KRT18: variants seen among roughly 807,000 people sequenced by gnomAD.
The protein encoded by KRT18 is keratin, type I cytoskeletal 18.
In KRT18, 8 loss-of-function variants were observed where a neutral mutation model predicts 39.9. The ratio of observed to expected loss-of-function variants is 0.20; its 90% CI spans 0.12 to 0.36. The LOEUF (loss-of-function observed/expected upper bound fraction) is 0.36. Ranked by LOEUF, KRT18 falls within the 10% of genes least tolerant of loss-of-function variation. KRT18 has a pLI of 1.00. For missense variants in KRT18, 396 were observed against 565.7 expected (o/e 0.70, Z 3.04); for synonymous variants, 194 against 227.8 (o/e 0.85, Z 1.33).
In KRT18 at chr12:52,950,498, T is replaced by C; in HGVS notation, c.500+88T>C. On this transcript the variant is annotated intron_variant, in intron 2 of 6. Coordinates refer to ENST00000388835, the MANE Select transcript of KRT18 (RefSeq NM_000224.3). Reference sequence around the variant, plus strand: ...GGCTGGGTCAGTTAGGGGCTCACAGTGGGATCCTGTTAGGTGTGGGTGGAT... The same window carrying C: ...GGCTGGGTCAGTTAGGGGCTCACAGCGGGATCCTGTTAGGTGTGGGTGGAT... 3.1e-6 allele frequency: 3 copies of C among 972,886 alleles called. No individual in the cohort carries two copies. The South Asian group carries it at 3.8e-5, about 12-fold the overall frequency. The allele number at this position is 972,886 out of a possible 1,614,324, so 60.3% of individuals were successfully genotyped here.
chr12:52,951,501 C>T lies in KRT18; in HGVS notation c.678C>T (p.Ala226=). The change falls in exon 4 of 7, where the codon GCC becomes GCT. Residue 226 remains alanine (A), a synonymous_variant. Transcript: ENST00000388835. ...TTTAGGAAGTAAAAGGCCTACAAGCCCAGATTGCCAGCTCTGGGTTGACCG... is the reference window on the plus strand; with the variant it reads ...TTTAGGAAGTAAAAGGCCTACAAGCTCAGATTGCCAGCTCTGGGTTGACCG... ...NHEEEVKGLQ[A]QIASSGLTVE... The T allele has an allele frequency of 6.2e-7, 1 of 1,614,066 alleles. No individual in the cohort carries two copies. Among genetic ancestry groups the T allele is most frequent in the South Asian group, 1.1e-5 (1 of 91,076 alleles).
intron 3 of KRT18, 104 bp from the exon 4 acceptor site, chr12:52,951,377 C>G (rs1417884100): frequency 1.7e-6 from 2 of 1,200,148 alleles, no homozygotes; most frequent in Admixed American, 3.4e-5. Context: ...TTCCTCCTGT[C>G]TCTTCTCCAA....
intron 1 of KRT18, chr12:52,949,958 A>G (rs927625075): frequency 1.6e-6 from 1 of 615,918 alleles, no homozygotes; most frequent in African/African-American, 1.8e-5. Flanking sequence ...AGTAAACAAG[A>G]GGCCTTCCTT....
chr12:52,949,112 G>C (rs1007449580), upstream of KRT18: 6 of 1,365,608 alleles, frequency 4.4e-6, no homozygotes, highest in South Asian at 3.5e-5. Flanking sequence ...CGCGCGGCTC[G>C]CGCAGGCCGC....
chr12:52,950,737 T>G lies in KRT18; in HGVS notation c.501-13T>G, dbSNP rs1592194266. ...AGAGATAGGGGCCCCTCTGATCACCTCCACTCCTATAGGTATGAGACAGAG... is the reference window on the plus strand; with the variant it reads ...AGAGATAGGGGCCCCTCTGATCACCGCCACTCCTATAGGTATGAGACAGAG... On this transcript the variant is annotated splice_polypyrimidine_tract_variant and intron_variant, in intron 2 of 6. Transcript: ENST00000388835. 6.2e-7 allele frequency: 1 copy of G among 1,608,356 alleles called. No homozygotes were observed. Among genetic ancestry groups the G allele is most frequent in the Non-Finnish European group, 8.5e-7 (1 of 1,178,118 alleles).
At position 52,950,397 on chromosome 12, in the gene KRT18, G is replaced by A; in HGVS notation, c.487G>A (p.Asp163Asn). ...TGACAATGCCCGTCTTGCTGCTGAT[G>A]ACTTTAGAGTCAAGTAAGTTTGGGG... ...QIDNARLAAD[D>N]FRVKYETELA... The change falls in exon 2 of 7, where the codon GAC becomes AAC. Residue 163 changes from aspartate (D) to asparagine (N), a missense_variant. By Grantham distance (23) the Asp-to-Asn change is conservative (BLOSUM62 1). Transcript: ENST00000388835. The A allele has an allele frequency of 6.2e-7, 1 of 1,612,184 alleles. No homozygotes were observed. Among genetic ancestry groups the A allele is most frequent in the Non-Finnish European group, 8.5e-7 (1 of 1,178,360 alleles).
rs373545356 is a variant in KRT18, at chr12:52,950,302, A to G, written c.418-26A>G. ...CCATCCCTGGCTTTCTATTCATGGA[A>G]CAACCTCTCTCTACAATCCCTCCAG... On this transcript the variant is annotated intron_variant, in intron 1 of 6. Coordinates refer to ENST00000388835, the MANE Select transcript of KRT18 (RefSeq NM_000224.3). 3.8e-5 allele frequency: 59 copies of G among 1,563,712 alleles called. No homozygotes were observed. The African/African-American group carries it at 7.3e-4, about 19-fold the overall frequency.
rs1942489999 is a variant in KRT18, at chr12:52,951,622, C to G, written c.799C>G (p.Leu267Val). Reference sequence around the variant, plus strand: ...GCTGGCTCGGAAGAACCGAGAGGAGCTAGACAAGTACTGGTCTCAGCAGGT... The same window carrying G: ...GCTGGCTCGGAAGAACCGAGAGGAGGTAGACAAGTACTGGTCTCAGCAGGT... The part of the protein sequence containing the change: ...DELARKNREE[L>V]DKYWSQQIEE... The change falls in exon 4 of 7, where the codon CTA becomes GTA. Residue 267 changes from leucine (L) to valine (V), a missense_variant. By Grantham distance (32) the Leu-to-Val change is conservative. Transcript: ENST00000388835. 1.2e-6 allele frequency: 2 copies of G among 1,613,970 alleles called. No individual in the cohort carries two copies. Among genetic ancestry groups the G allele is most frequent in the African/African-American group, 1.3e-5 (1 of 75,036 alleles).
At position 52,949,380 on chromosome 12, in the gene KRT18, G is replaced by A. The variant is rs763320997; in HGVS notation, c.207G>A (p.Gly69=). The change falls in exon 1 of 7, where the codon GGG becomes GGA. Residue 69 remains glycine, a synonymous_variant. Transcript: ENST00000388835. ...GSGGLATGIA[G]GLAGMGGIQN... ...GGGGCCTGGCCACCGGGATAGCCGG[G>A]GGTCTGGCAGGAATGGGAGGCATCC... 2 of 1,610,828 alleles carry A rather than the reference G, an allele frequency of 1.2e-6. No homozygotes were observed. The highest frequency in any genetic ancestry group is 4.5e-5 in the East Asian group (2 of 44,900).
At chr12:52,952,459 C>T (rs1449986874) in intron 6 of KRT18, 117 bp downstream of exon 6, 22 of 822,500 alleles carry the variant, frequency 2.7e-5, no homozygotes, top group Admixed American at 4.0e-5. Context: ...AGCACTGGGC[C>T]GTTGCTCCGT....
In KRT18 at chr12:52,951,628, A is replaced by G. The variant is rs1942490158; in HGVS notation, c.805A>G (p.Lys269Glu). Residue 269 changes from lysine (K) to glutamate (E), a missense_variant, in exon 4 of 7, where the codon AAG becomes GAG. By Grantham distance (56) the Lys-to-Glu change is moderately conservative (BLOSUM62 1). Transcript: ENST00000388835. ...LARKNREELD[K>E]YWSQQIEEST... ...TCGGAAGAACCGAGAGGAGCTAGAC[A>G]AGTACTGGTCTCAGCAGGTGCGTGA... is the stretch of plus-strand genomic sequence containing the variant. 6.2e-7 allele frequency: 1 copy of G among 1,613,734 alleles called. No individual in the cohort carries two copies.
Position 52,951,790 on chromosome 12 carries a change from G to A in KRT18, c.882G>A (p.Thr294=), listed in dbSNP as rs150137089. 21 of 1,612,086 alleles carry A rather than the reference G, an allele frequency of 1.3e-5. No individual in the cohort carries two copies. The highest frequency in any genetic ancestry group is 5.0e-5 in the Admixed American group (3 of 60,010). Residue 294 remains threonine, a synonymous_variant, in exon 5 of 7, where the codon ACG becomes ACA. Transcript: ENST00000388835. The part of the protein sequence containing the change: ...TQSAEVGAAE[T]TLTELRRTVQ... ...CTGCTGAGGTTGGAGCTGCTGAGAC[G>A]ACGCTCACAGAGCTGAGACGTACAG...
intron 2 of KRT18, 166 bp downstream of exon 2, chr12:52,950,576 G>C: frequency 2.4e-6 from 2 of 821,198 alleles, no homozygotes; most frequent in Non-Finnish European, 4.2e-6. Flanking sequence ...GTATAACCCC[G>C]TTTAAGAATA....
intron 3 of KRT18, 125 bp from the exon 4 acceptor site, chr12:52,951,356 A>G: frequency 1.0e-6 from 1 of 996,990 alleles, no homozygotes; most frequent in Non-Finnish European, 1.6e-6. Flanking sequence ...CCCTGAGTGC[A>G]AGCCAAGGGG....
Position 52,952,175 on chromosome 12 carries a change from G to T in KRT18, c.1005G>T (p.Met335Ile). The change falls in exon 6 of 7, where the codon ATG becomes ATT. Residue 335 changes from methionine to isoleucine, a missense_variant. Physicochemically the swap from Met to Ile is conservative, Grantham distance 10. Coordinates refer to ENST00000388835, the MANE Select transcript of KRT18 (RefSeq NM_000224.3). ...TGGAGGCCCGCTACGCCCTACAGAT[G>T]GAGCAGCTCAACGGGATCCTGCTGC... ...REVEARYALQ[M>I]EQLNGILLHL... The T allele has an allele frequency of 6.3e-7, 1 of 1,584,172 alleles. No homozygotes were observed. Among genetic ancestry groups the T allele is most frequent in the East Asian group, 2.3e-5 (1 of 43,736 alleles).
chr12:52,950,501 G>T, intron 2 of KRT18, 91 bp downstream of exon 2: 1 of 953,630 alleles, frequency 1.0e-6, no homozygotes, highest in Admixed American at 1.7e-5. Context: ...CTCACAGTGG[G>T]ATCCTGTTAG....
upstream of KRT18, chr12:52,949,087 C>A: frequency 3.2e-6 from 4 of 1,262,932 alleles, no homozygotes; most frequent in Admixed American, 5.4e-5. Flanking sequence ...CCTCACTCTG[C>A]GATATAACTC....
chr12:52,950,920 A>G lies in KRT18; in HGVS notation c.657+14A>G. 1.9e-6 allele frequency: 3 copies of G among 1,561,402 alleles called. No individual in the cohort carries two copies. Among genetic ancestry groups the G allele is most frequent in the Non-Finnish European group, 2.6e-6 (3 of 1,156,488 alleles). ...AACCACGAAGAGGCAAGCAGGGGCCACTGGCCAGGCCAGGGATTGAGGGGC... is the reference window on the plus strand; with the variant it reads ...AACCACGAAGAGGCAAGCAGGGGCCGCTGGCCAGGCCAGGGATTGAGGGGC... On this transcript the variant is annotated intron_variant, in intron 3 of 6. Transcript: ENST00000388835.
chr12:52,949,848 G>A (rs989916446), intron 1 of KRT18: 2 of 701,244 alleles, frequency 2.9e-6, no homozygotes, highest in African/African-American at 1.7e-5. Context: ...AGCATGGAGG[G>A]AGGTAAGGAA....
Sources: allele counts gnomAD v4.1 joint callset, GRCh38; gene constraint gnomAD v4.1.1; transcripts MANE v1.5; gene names NCBI Gene and HGNC (gene_info 2026-07-23, HGNC 2026-07-21).